GNL3L: variants seen among roughly 807,000 people sequenced by gnomAD.
GNL3L encodes guanine nucleotide-binding protein-like 3-like protein.
GNL3L carries 4 observed loss-of-function variants against 42.9 expected under a neutral mutation model. That is an observed-to-expected ratio of 0.09 (90% CI 0.05 to 0.21). GNL3L has a LOEUF of 0.21. Ranked by LOEUF, GNL3L falls within the 10% of genes least tolerant of loss-of-function variation. The pLI, the probability that GNL3L is intolerant of heterozygous loss-of-function variation, is 1.00. For synonymous variants in GNL3L, 159 were observed against 176.3 expected, an observed-to-expected ratio of 0.90 and a Z score of 0.78; for missense variants, 412 against 481.7, an observed-to-expected ratio of 0.86 and a Z score of 1.36.
chrX:54,547,113 C>T (rs771923437), intron 8 of GNL3L, among the ~76,000 whole-genome samples: 1 of 107,065 alleles, frequency 9.3e-6, no homozygotes, highest in East Asian at 3.0e-4. Context: ...TCTTCTGCCC[C>T]AGCCTCCCGA....
intron 2 of GNL3L, 76 bp from the exon 3 acceptor site, chrX:54,538,964 C>T (rs1190274162): frequency 3.4e-6 from 2 of 595,644 alleles, no homozygotes; most frequent in Non-Finnish European, 5.2e-6. Context: ...CCAGTGTGGC[C>T]TGGCCTTGAT....
downstream of GNL3L, among the ~76,000 whole-genome samples, chrX:54,568,130 G>A (rs1372217794): frequency 1.8e-5 from 2 of 109,847 alleles, no homozygotes; most frequent in African/African-American, 3.3e-5. Context: ...CACCACGCCC[G>A]GCTAGTTTTT....
chrX:54,576,201 C>T (rs187168615), intron 16 of GNL3L, among the ~76,000 whole-genome samples: 4 of 111,846 alleles, frequency 3.6e-5, no homozygotes, highest in African/African-American at 1.3e-4. Flanking sequence ...TTTGGAAAAT[C>T]TGTTAGATGG....
rs983425176 is a variant in GNL3L at position 54,563,789 on chromosome X, GAA to G, written c.*3195_*3196del. Among the ~76,000 whole-genome samples the G allele has an allele frequency of 9.3e-6, 1 of 107,739 alleles. No homozygotes were observed. Among genetic ancestry groups the G allele is most frequent in the African/African-American group, 3.4e-5 (1 of 29,435 alleles). The allele number at this position is 107,739 out of a possible 115,157, so 93.6% of individuals were successfully genotyped here. The stretch of plus-strand genomic sequence containing the variant: ...CAACAGAGTGAGACTGTCTCAGGGG[GAA>G]AAAAAAAGAGGAAAACAAAAAAGAC... On this transcript the variant is annotated 3_prime_UTR_variant, in exon 16 of 16. Transcript: ENST00000360845.
chrX:54,634,552 C>T, the GNL3L span, among the ~76,000 whole-genome samples: 1 of 110,511 alleles, frequency 9.0e-6, no homozygotes, highest in African/African-American at 3.3e-5. Context: ...GATCTCGGCT[C>T]ATTGCAACCT....
At chrX:54,624,126 G>A (rs1312627444), downstream of GNL3L, among the ~76,000 whole-genome samples, 1 of 111,155 alleles carries the variant, frequency 9.0e-6, no homozygotes, top group Non-Finnish European at 1.9e-5. Context: ...TTGCAGTGTT[G>A]CCCAGGCTGT....
chrX:54,587,026 C>T (rs1038775450), intron 16 of GNL3L, among the ~76,000 whole-genome samples: 3 of 111,735 alleles, frequency 2.7e-5, no homozygotes, highest in African/African-American at 9.8e-5. Context: ...AGGGTTTTCC[C>T]ACCACTTCGA....
chrX:54,570,491 C>G (rs1394108869), downstream of GNL3L, among the ~76,000 whole-genome samples: 2 of 111,628 alleles, frequency 1.8e-5, no homozygotes, highest in Admixed American at 9.6e-5. Flanking sequence ...CTTTTTTATC[C>G]AATTTGACAG....
chrX:54,607,082 C>T (rs5961100), intron 16 of GNL3L, among the ~76,000 whole-genome samples: 1,043 of 22,033 alleles, frequency 0.047, 100 homozygotes, highest in African/African-American at 0.1. Flanking sequence ...CTCTTTCTTT[C>T]TTCTTTCTTT....
the GNL3L span, among the ~76,000 whole-genome samples, chrX:54,628,941 A>T: frequency 9.4e-6 from 1 of 106,009 alleles, no homozygotes; most frequent in Non-Finnish European, 1.9e-5. Flanking sequence ...TAATTATATA[A>T]AATATAATTA....
chrX:54,539,526 T>C (rs972085934), intron 3 of GNL3L, among the ~76,000 whole-genome samples: 3 of 110,528 alleles, frequency 2.7e-5, no homozygotes, highest in Non-Finnish European at 5.7e-5. Flanking sequence ...GAAAGAGCAA[T>C]GAGAAGAAGG....
In GNL3L at chrX:54,563,650, G is replaced by T. The variant is rs1925335684; in HGVS notation, c.*3048G>T. 9.2e-6 allele frequency among the ~76,000 whole-genome samples: 1 copy of T among 108,763 alleles called. No homozygotes were observed. The highest frequency in any genetic ancestry group is 3.5e-5 in the African/African-American group (1 of 28,730). 94.4% of individuals were successfully genotyped at this position (108,763 alleles called of 115,157 possible). ...AAAATACAAAGATTAGCTGGGCATGGTGTCTCATGCCTGTAGTCCCAGCTA... is the reference window on the plus strand; with the variant it reads ...AAAATACAAAGATTAGCTGGGCATGTTGTCTCATGCCTGTAGTCCCAGCTA... On this transcript the variant is annotated 3_prime_UTR_variant, in exon 16 of 16. Coordinates refer to ENST00000360845, the MANE Select transcript of GNL3L (RefSeq NM_001184819.2).
At chrX:54,635,505 A>G in the GNL3L span, among the ~76,000 whole-genome samples, 2 of 111,457 alleles carry the variant, frequency 1.8e-5, no homozygotes, top group African/African-American at 3.3e-5. Context: ...GTTGAAAGCT[A>G]TATGTTTGAA....
At chrX:54,599,292 T>C (rs1925974575) in intron 16 of GNL3L, among the ~76,000 whole-genome samples, 1 of 111,912 alleles carries the variant, frequency 8.9e-6, no homozygotes, top group Admixed American at 9.5e-5. Context: ...AAGATATAGT[T>C]TCTCAGAGAC....
chrX:54,554,737 G>T lies in GNL3L; in HGVS notation c.1446+45G>T, dbSNP rs747064695. 3 of 1,141,646 alleles carry T rather than the reference G, an allele frequency of 2.6e-6. No individual in the cohort carries two copies. The Admixed American group carries it at 6.6e-5, about 25-fold the overall frequency. 94.1% of individuals were successfully genotyped at this position (1,141,646 alleles called of 1,213,427 possible). ...ATGGCAACCCTCTTCTCTCCCCAGG[G>T]CTCTGGGAAGTGGTCAATCCCTTTT... On this transcript the variant is annotated intron_variant, in intron 14 of 15. Transcript: ENST00000360845.
At chrX:54,552,529 T>C in intron 13 of GNL3L, 101 bp downstream of exon 13, 2 of 760,511 alleles carry the variant, frequency 2.6e-6, no homozygotes, top group South Asian at 5.9e-5. Flanking sequence ...TTGGCCCTAC[T>C]TGGGCTTTGG....
At chrX:54,536,991 G>C (rs67646209) in intron 2 of GNL3L, among the ~76,000 whole-genome samples, 4,334 of 108,277 alleles carry the variant, frequency 0.04, 82 homozygotes, top group South Asian at 0.1. Flanking sequence ...AATTTCATCA[G>C]GATATGTCCA....
chrX:54,555,358 C>T (rs1925060395), intron 14 of GNL3L, among the ~76,000 whole-genome samples: 1 of 111,215 alleles, frequency 9.0e-6, no homozygotes. Flanking sequence ...TGTCTTCTCC[C>T]TCCTAAATCT....
At chrX:54,633,019 A>G in the GNL3L span, among the ~76,000 whole-genome samples, 2 of 110,785 alleles carry the variant, frequency 1.8e-5, no homozygotes, top group African/African-American at 6.6e-5. Flanking sequence ...GCGAGAGTGC[A>G]GTGATTGTTA....
Sources: allele counts gnomAD v4.1 joint callset (sites outside exome capture counted in the v4.1 genomes callset), GRCh38; gene constraint gnomAD v4.1.1; transcripts MANE v1.5; gene names NCBI Gene and HGNC (gene_info 2026-07-23, HGNC 2026-07-21).